Variants in XXYLT1 observed in about 807,000 individuals in gnomAD.
The protein encoded by XXYLT1 is xyloside xylosyltransferase 1.
Under a neutral mutation model 28.9 loss-of-function variants are expected in XXYLT1, and 20 were observed. The observed-to-expected ratio is 0.69, with a 90% CI of 0.49 to 1.00. The LOEUF (loss-of-function observed/expected upper bound fraction) is 1.00, where lower values mean the gene tolerates loss of function less well. XXYLT1 is among the 50% of genes least tolerant of loss of function. XXYLT1 has a pLI of 0.00. For synonymous variants in XXYLT1, 257 were observed against 253.8 expected, an observed-to-expected ratio of 1.01 and a Z score of -0.12; for missense variants, 542 against 560.1, an observed-to-expected ratio of 0.97 and a Z score of 0.33.
At chr3:195,234,236 G>T (rs1459791437) in intron 1 of XXYLT1, among the ~76,000 whole-genome samples, 1 of 149,774 alleles carries the variant, frequency 6.7e-6, no homozygotes, top group Non-Finnish European at 1.5e-5. Flanking sequence ...TGTACGATAG[G>T]TCTGGTATTG....
In XXYLT1 at chr3:195,263,513, T is replaced by C. The variant is rs139944338; in HGVS notation, c.504+7042A>G. 8.7e-4 allele frequency among the ~76,000 whole-genome samples: 133 copies of C among 152,232 alleles called. 1 individual carries two copies. The East Asian group carries it at 0.022, about 25-fold the overall frequency. On this transcript the variant is annotated intron_variant, in intron 1 of 3. Coordinates refer to ENST00000310380, the MANE Select transcript of XXYLT1 (RefSeq NM_152531.5). The stretch of plus-strand genomic sequence containing the variant: ...ACGGCACTGGATGAGTTACCAAGAG[T>C]GGCTGTTATAAAGCCAGGCGCCCCT...
chr3:195,197,709 TC>T (rs1722684998), intron 2 of XXYLT1, among the ~76,000 whole-genome samples: 1 of 152,234 alleles, frequency 6.6e-6, no homozygotes, highest in South Asian at 2.1e-4. Context: ...AATTCTCTGC[TC>T]CAGCGAAGCT....
At chr3:195,175,731 A>G (rs1721633638) in intron 2 of XXYLT1, 1 of 1,535,204 alleles carries the variant, frequency 6.5e-7, no homozygotes. Flanking sequence ...TCTGGACTGT[A>G]GCAGTGAGAA....
At chr3:195,111,058 G>T (rs1333316434) in intron 3 of XXYLT1, among the ~76,000 whole-genome samples, 2 of 152,080 alleles carry the variant, frequency 1.3e-5, no homozygotes, top group African/African-American at 4.8e-5. Flanking sequence ...AGAAGTCTGA[G>T]ATCATGGGTC....
chr3:195,251,486 C>T (rs920509928), intron 1 of XXYLT1, among the ~76,000 whole-genome samples: 1 of 152,206 alleles, frequency 6.6e-6, no homozygotes, highest in African/African-American at 2.4e-5. Flanking sequence ...CCAGGACAGA[C>T]GCCTGTGAAG....
At chr3:195,130,532 A>T (rs1022747561) in intron 3 of XXYLT1, among the ~76,000 whole-genome samples, 27 of 152,240 alleles carry the variant, frequency 1.8e-4, no homozygotes, top group African/African-American at 6.5e-4. Context: ...AGGAGAGGTG[A>T]TTCCTACTTA....
At chr3:195,222,098 C>T (rs1372086584) in intron 2 of XXYLT1, among the ~76,000 whole-genome samples, 1 of 152,200 alleles carries the variant, frequency 6.6e-6, no homozygotes, top group Non-Finnish European at 1.5e-5. Flanking sequence ...CCAGCCAGGT[C>T]CCCTCTGTGG....
intron 3 of XXYLT1, among the ~76,000 whole-genome samples, chr3:195,134,870 C>T (rs62290348): frequency 4.3e-4 from 54 of 124,236 alleles, no homozygotes; most frequent in East Asian, 1.8e-3. Flanking sequence ...TGTGTGTGTG[C>T]GTGTGCGCGC....
At chr3:195,247,632 G>A in intron 1 of XXYLT1, 1 of 546,656 alleles carries the variant, frequency 1.8e-6, no homozygotes. Context: ...GGAGAGCCAT[G>A]ATCCCCAGAC....
intron 2 of XXYLT1, among the ~76,000 whole-genome samples, chr3:195,194,200 C>T (rs1412813406): frequency 6.6e-6 from 1 of 151,238 alleles, no homozygotes; most frequent in Non-Finnish European, 1.5e-5. Flanking sequence ...ATGCTTGCAA[C>T]TCAGTAATAA....
At position 195,156,499 on chromosome 3, in the gene XXYLT1, G is replaced by C. The variant is rs1460792215; in HGVS notation, c.735C>G (p.Phe245Leu). ...IRELFEEFDSFLPGAIIGIAR... is the reference protein window; with the variant it reads ...IRELFEEFDSLLPGAIIGIAR... ...CTATGCCGATGATGGCGCCTGGCAGGAAACTGTCAAATTCCTCAAACAACT... is the reference window on the plus strand; with the variant it reads ...CTATGCCGATGATGGCGCCTGGCAGCAAACTGTCAAATTCCTCAAACAACT... Residue 245 changes from phenylalanine to leucine, a missense_variant, in exon 3 of 4, where the codon TTC becomes TTG. By Grantham distance (22) the Phe-to-Leu change is conservative. Transcript: ENST00000310380. The C allele has an allele frequency of 7.1e-5, 115 of 1,614,112 alleles. No individual in the cohort carries two copies. Among genetic ancestry groups the C allele is most frequent in the Non-Finnish European group, 9.5e-5 (112 of 1,180,054 alleles).
intron 3 of XXYLT1, among the ~76,000 whole-genome samples, chr3:195,138,054 G>C (rs1453903105): frequency 6.6e-6 from 1 of 152,132 alleles, no homozygotes; most frequent in Non-Finnish European, 1.5e-5. Flanking sequence ...AGTATGTTTC[G>C]CAAAGTCATT....
chr3:195,211,388 A>G (rs937904864), intron 2 of XXYLT1, among the ~76,000 whole-genome samples: 1 of 152,192 alleles, frequency 6.6e-6, no homozygotes, highest in African/African-American at 2.4e-5. Flanking sequence ...GCAAGACTCC[A>G]TCTCAAAAGA....
Position 195,088,012 on chromosome 3 carries a change from C to T in XXYLT1, c.786-17901G>A, listed in dbSNP as rs576726119. Among the ~76,000 whole-genome samples the T allele has an allele frequency of 1.5e-4, 23 of 152,130 alleles. 1 individual carries two copies. The South Asian group carries it at 4.8e-3, about 32-fold the overall frequency. Reference sequence around the variant, plus strand: ...AAACGGCGCACCACGAGATTACATCCCGCACCTGGCTCGGAGGGTCCTACC... The same window carrying T: ...AAACGGCGCACCACGAGATTACATCTCGCACCTGGCTCGGAGGGTCCTACC... On this transcript the variant is annotated intron_variant, in intron 3 of 3. Transcript: ENST00000310380.
chr3:195,104,193 G>A (rs1716961393), intron 3 of XXYLT1, among the ~76,000 whole-genome samples: 1 of 144,110 alleles, frequency 6.9e-6, no homozygotes, highest in Admixed American at 7.1e-5. Flanking sequence ...CGGTGATGAG[G>A]GCTCCGTGTG....
At chr3:195,095,925 A>G (rs1716413577) in intron 3 of XXYLT1, 1 of 152,226 alleles carries the variant, frequency 6.6e-6, no homozygotes, top group African/African-American at 2.4e-5. Flanking sequence ...TCCAGCCCAC[A>G]GGAACTCAAG....
intron 3 of XXYLT1, among the ~76,000 whole-genome samples, chr3:195,083,530 A>G (rs921820746): frequency 8.5e-5 from 13 of 152,168 alleles, no homozygotes; most frequent in Admixed American, 3.9e-4. Flanking sequence ...TCATCCCTAC[A>G]TCCAGGCTGG....
intron 3 of XXYLT1, chr3:195,121,960 G>A (rs1383772127): frequency 2.9e-6 from 2 of 689,952 alleles, no homozygotes; most frequent in Non-Finnish European, 5.3e-6. Context: ...TCTTGTCTTA[G>A]TTCAAGCTAT....
At chr3:195,126,742 A>T (rs954852649) in intron 3 of XXYLT1, among the ~76,000 whole-genome samples, 1 of 152,172 alleles carries the variant, frequency 6.6e-6, no homozygotes. Context: ...AGAAGACAAG[A>T]CTGTTCAACA....
Sources: gnomAD v4.1 joint callset for allele counts (sites outside exome capture counted in the v4.1 genomes callset) on GRCh38, gnomAD v4.1.1 for gene constraint, MANE v1.5 for transcripts, NCBI Gene and HGNC (gene_info 2026-07-23, HGNC 2026-07-21) for gene names.